CR2: variants seen among roughly 807,000 people sequenced by gnomAD.
CR2 encodes complement receptor type 2.
Under a neutral mutation model 123.0 loss-of-function variants are expected in CR2, and 96 were observed. The ratio of observed to expected loss-of-function variants is 0.78; its 90% CI spans 0.66 to 0.93. The LOEUF (loss-of-function observed/expected upper bound fraction) is 0.93. CR2 is among the 40% of genes least tolerant of loss of function. The pLI, the probability that CR2 is intolerant of heterozygous loss-of-function variation, is 0.00. For missense variants in CR2, 1,258 were observed against 1,361.0 expected (o/e 0.92, Z 1.19); for synonymous variants, 484 against 469.5 (o/e 1.03, Z -0.40).
chr1:207,476,869 T>C (rs1268315232), intron 15 of CR2, among the ~76,000 whole-genome samples: 1 of 152,278 alleles, frequency 6.6e-6, no homozygotes, highest in Non-Finnish European at 1.5e-5. Flanking sequence ...GAAATATGAC[T>C]AGTAAATTAG....
At chr1:207,459,727 T>G (rs1657922649) in intron 1 of CR2, among the ~76,000 whole-genome samples, 1 of 152,212 alleles carries the variant, frequency 6.6e-6, no homozygotes, top group East Asian at 1.9e-4. Flanking sequence ...TACTCCTGGC[T>G]ACAGAAAGAT....
chr1:207,474,385 G>T, intron 13 of CR2, 62 bp downstream of exon 13: 3 of 1,218,170 alleles, frequency 2.5e-6, no homozygotes, highest in South Asian at 2.4e-5. Context: ...GCAGGCCACT[G>T]AAGAATTAGT....
intron 18 of CR2, among the ~76,000 whole-genome samples, chr1:207,480,930 T>G (rs1458869843): frequency 6.6e-6 from 1 of 152,136 alleles, no homozygotes; most frequent in East Asian, 1.9e-4. Flanking sequence ...CAAAAAAAAA[T>G]TGTGATTACA....
intron 18 of CR2, among the ~76,000 whole-genome samples, chr1:207,482,654 C>T (rs558756544): frequency 2.0e-5 from 3 of 152,166 alleles, no homozygotes; most frequent in South Asian, 2.1e-4. Context: ...CATAAAATAA[C>T]GTCGCCATGG....
chr1:207,477,993 A>G lies in CR2; in HGVS notation c.3011A>G (p.Tyr1004Cys), dbSNP rs1374897419. The G allele has an allele frequency of 1.2e-6, 2 of 1,614,080 alleles. No individual in the cohort carries two copies. The highest frequency in any genetic ancestry group is 1.1e-5 in the South Asian group (1 of 91,084). Residue 1004 changes from tyrosine to cysteine, a missense_variant, in exon 16 of 20, where the codon TAT becomes TGT. Tyr to Cys is a radical substitution (Grantham distance 194). Transcript: ENST00000367057. The stretch of plus-strand genomic sequence containing the variant: ...GTAACTCTGGAGTGTGAAGATGGGT[A>G]TATGCTGGAAGGCAGTCCCCAGAGC... ...AVVTLECEDG[Y>C]MLEGSPQSQC...
intron 19 of CR2, among the ~76,000 whole-genome samples, chr1:207,487,659 A>T (rs1658786916): frequency 6.6e-6 from 1 of 152,246 alleles, no homozygotes; most frequent in Admixed American, 6.5e-5. Context: ...GATTGGAGAA[A>T]TAGCAGTTAT....
Position 207,466,879 on chromosome 1 carries a change from T to A in CR2, c.412T>A (p.Trp138Arg), listed in dbSNP as rs767784162. 4.4e-6 allele frequency: 7 copies of A among 1,605,724 alleles called. No individual in the cohort carries two copies. Among genetic ancestry groups the A allele is most frequent in the Non-Finnish European group, 6.0e-6 (7 of 1,176,444 alleles). ...TGTTTGGTGTCAAGCAAATAATATG[T>A]GGGGGCCGACACGACTACCAACCTG... ...KSVWCQANNM[W>R]GPTRLPTCVS... Residue 138 changes from tryptophan to arginine, a missense_variant, in exon 2 of 20, where the codon TGG becomes AGG. Transcript: ENST00000367057.
chr1:207,487,019 G>A (rs1055675262), intron 19 of CR2, among the ~76,000 whole-genome samples: 8 of 152,158 alleles, frequency 5.3e-5, no homozygotes, highest in African/African-American at 1.9e-4. Flanking sequence ...CAAGGAGACT[G>A]AATAAGATCT....
At position 207,471,086 on chromosome 1, in the gene CR2, G is replaced by C. The variant is rs1369017870; in HGVS notation, c.1492G>C (p.Gly498Arg). Residue 498 changes from glycine to arginine, a missense_variant and splice_region_variant, in exon 8 of 20, where the codon GGG becomes CGG. Gly to Arg is a moderately radical substitution (Grantham distance 125). Transcript: ENST00000367057. ...AGATGTCAACTCTTCTTGTGGTGAA[G>C]GGTGAGTGAAGGCTGACTTAGTCTG... is the stretch of plus-strand genomic sequence containing the variant. Reference protein sequence around the residue: ...RPDVNSSCGEGYKLSGSVYQE... With the variant: ...RPDVNSSCGERYKLSGSVYQE... 6.2e-7 allele frequency: 1 copy of C among 1,613,472 alleles called. No individual in the cohort carries two copies. Among genetic ancestry groups the C allele is most frequent in the East Asian group, 2.2e-5 (1 of 44,876 alleles).
intron 13 of CR2, 135 bp downstream of exon 13, chr1:207,474,458 T>C (rs2102307183): frequency 2.7e-6 from 2 of 734,690 alleles, no homozygotes; most frequent in South Asian, 3.1e-5. Flanking sequence ...AAAAATCTTA[T>C]GGTGTTGGTC....
intron 12 of CR2, 31 bp downstream of exon 12, chr1:207,473,916 G>T (rs746339965): frequency 1.3e-6 from 2 of 1,596,100 alleles, no homozygotes; most frequent in African/African-American, 1.3e-5. Context: ...TCTGAGAAAA[G>T]GTCTCAACCT....
chr1:207,473,209 G>A, intron 10 of CR2, 30 bp downstream of exon 10: 3 of 1,610,776 alleles, frequency 1.9e-6, no homozygotes, highest in Non-Finnish European at 8.5e-7. Flanking sequence ...GAAAAAAGGA[G>A]AGATTTACTT....
At position 207,473,537 on chromosome 1, in the gene CR2, C is replaced by T; in HGVS notation, c.1979-8C>T. The T allele has an allele frequency of 6.2e-7, 1 of 1,612,832 alleles. No individual in the cohort carries two copies. The highest frequency in any genetic ancestry group is 2.2e-5 in the East Asian group (1 of 44,880). Reference sequence around the variant, plus strand: ...GTTGGTATTTATGTAGGGAGTTTTTCTCTTCAGGCTGCCAGTCACCTCCTG... The same window carrying T: ...GTTGGTATTTATGTAGGGAGTTTTTTTCTTCAGGCTGCCAGTCACCTCCTG... On this transcript the variant is annotated splice_polypyrimidine_tract_variant and splice_region_variant and intron_variant, in intron 10 of 19. Coordinates refer to ENST00000367057, the MANE Select transcript of CR2 (RefSeq NM_001006658.3).
chr1:207,461,118 GT>G lies in CR2; in HGVS notation c.59-5401del, dbSNP rs200867622. ...AAATAGCGTACATTAGTTATGTGCA[GT>G]TTTTTTGTGTATAAATAAGACCTCA... On this transcript the variant is annotated intron_variant, in intron 1 of 19. Coordinates refer to ENST00000367057, the MANE Select transcript of CR2 (RefSeq NM_001006658.3). Among the ~76,000 whole-genome samples, 1,411 of 152,100 alleles carry G rather than the reference GT, an allele frequency of 9.3e-3. 26 individuals carry two copies. Among genetic ancestry groups the G allele is most frequent in the African/African-American group, 0.032 (1,346 of 41,506 alleles).
In CR2 at chr1:207,475,120, G is replaced by A. The variant is rs759615903; in HGVS notation, c.2620G>A (p.Asp874Asn). The change falls in exon 14 of 20, where the codon GAC becomes AAC. Residue 874 changes from aspartate to asparagine, a missense_variant. Physicochemically the swap from Asp to Asn is conservative, Grantham distance 23 (BLOSUM62 1). Transcript: ENST00000367057. ...AYSHNDIVYV[D>N]CNPGFIMNGS... ...TTCCCACAATGACATAGTGTATGTT[G>A]ACTGCAATCCTGGCTTCATCATGAA... 5.0e-6 allele frequency: 8 copies of A among 1,612,548 alleles called. No individual in the cohort carries two copies. Among genetic ancestry groups the A allele is most frequent in the Admixed American group, 3.3e-5 (2 of 59,890 alleles).
chr1:207,483,555 G>GT (rs35426473), intron 18 of CR2, among the ~76,000 whole-genome samples: 82,264 of 151,148 alleles, frequency 0.54, 23,843 homozygotes, highest in Admixed American at 0.66. Flanking sequence ...ACTGCACACT[G>GT]TTTTTTTTTC....
Position 207,477,986 on chromosome 1 carries a change from G to C in CR2, c.3004G>C (p.Asp1002His), listed in dbSNP as rs1658486153. 6.2e-7 allele frequency: 1 copy of C among 1,613,946 alleles called. No individual in the cohort carries two copies. Among genetic ancestry groups the C allele is most frequent in the Non-Finnish European group, 8.5e-7 (1 of 1,179,984 alleles). ...AGCTGTTGTAACTCTGGAGTGTGAA[G>C]ATGGGTATATGCTGGAAGGCAGTCC... is the stretch of plus-strand genomic sequence containing the variant. ...YGAVVTLECE[D>H]GYMLEGSPQS... The change falls in exon 16 of 20, where the codon GAT (aspartate) becomes CAT (histidine). Residue 1002 changes from aspartate (D) to histidine (H), a missense_variant. Physicochemically the swap from Asp to His is moderately conservative, Grantham distance 81. Transcript: ENST00000367057.
chr1:207,481,237 T>C (rs1166430565), intron 18 of CR2, among the ~76,000 whole-genome samples: 1 of 152,106 alleles, frequency 6.6e-6, no homozygotes, highest in African/African-American at 2.4e-5. Flanking sequence ...GTACTTTTTT[T>C]CCCTATATAT....
At chr1:207,474,429 T>C (rs929556010) in intron 13 of CR2, 106 bp downstream of exon 13, 52 of 841,292 alleles carry the variant, frequency 6.2e-5, no homozygotes, top group Non-Finnish European at 9.5e-5. Flanking sequence ...GGCGTCTCCC[T>C]CATTGGAGGT....
Sources: allele counts gnomAD v4.1 joint callset (sites outside exome capture counted in the v4.1 genomes callset), GRCh38; gene constraint gnomAD v4.1.1; transcripts MANE v1.5; gene names NCBI Gene and HGNC (gene_info 2026-07-23, HGNC 2026-07-21).